The following ASTN2 variants were observed in gnomAD, a reference collection of about 807,000 sequenced individuals.
ASTN2 encodes the protein astrotactin-2.
Under a neutral mutation model 139.8 loss-of-function variants are expected in ASTN2, and 54 were observed. The ratio of observed to expected loss-of-function variants is 0.39; its 90% CI spans 0.31 to 0.48. The LOEUF (loss-of-function observed/expected upper bound fraction) is 0.48. Among genes scored for constraint, ASTN2 ranks in the 20% least tolerant of loss-of-function variants. The pLI is 0.95. For synonymous variants in ASTN2, 756 were observed against 719.5 expected (o/e 1.05, Z -0.81); for missense variants, 1,565 against 1,725.1 (o/e 0.91, Z 1.64).
intron 3 of ASTN2, among the ~76,000 whole-genome samples, chr9:117,149,253 C>T (rs964586788): frequency 6.6e-6 from 1 of 151,970 alleles, no homozygotes; most frequent in Non-Finnish European, 1.5e-5. Flanking sequence ...CTCTTGACCT[C>T]GTGATCCACC....
intron 7 of ASTN2, among the ~76,000 whole-genome samples, chr9:117,004,455 A>T (rs1471402974): frequency 6.6e-6 from 1 of 152,158 alleles, no homozygotes; most frequent in South Asian, 2.1e-4. Context: ...AAATATGCTG[A>T]AACAGGCTCC....
chr9:116,475,006 G>C (rs1848932539), intron 20 of ASTN2, among the ~76,000 whole-genome samples: 2 of 152,162 alleles, frequency 1.3e-5, no homozygotes, highest in Non-Finnish European at 2.9e-5. Flanking sequence ...GCTCTGCCTT[G>C]ACTATGATGC....
chr9:116,619,415 G>A (rs1856010932), intron 18 of ASTN2, among the ~76,000 whole-genome samples: 1 of 151,930 alleles, frequency 6.6e-6, no homozygotes, highest in Non-Finnish European at 1.5e-5. Context: ...TACCCTATAG[G>A]TCTCTTCAGA....
intron 1 of ASTN2, among the ~76,000 whole-genome samples, chr9:117,326,918 G>T (rs149668328): frequency 2.1e-3 from 325 of 152,312 alleles, no homozygotes; most frequent in Admixed American, 3.5e-3. Flanking sequence ...GTGGATATAA[G>T]TTAAATCCTC....
chr9:117,166,264 G>T (rs2132913618), intron 3 of ASTN2, among the ~76,000 whole-genome samples: 1 of 152,112 alleles, frequency 6.6e-6, no homozygotes, highest in African/African-American at 2.4e-5. Context: ...GAGTCTGAAG[G>T]GTCAGGTCAC....
At chr9:116,626,162 T>TG (rs1856449307) in intron 17 of ASTN2, among the ~76,000 whole-genome samples, 1 of 121,868 alleles carries the variant, frequency 8.2e-6, no homozygotes, top group Non-Finnish European at 1.7e-5. Context: ...GTGTTTTTTT[T>TG]TTTTTTTTTT....
chr9:116,580,327 G>C (rs1448746449), intron 19 of ASTN2, among the ~76,000 whole-genome samples: 1 of 152,098 alleles, frequency 6.6e-6, no homozygotes, highest in South Asian at 2.1e-4. Context: ...TCTAATAGAG[G>C]GGCAAGAGGT....
intron 5 of ASTN2, among the ~76,000 whole-genome samples, chr9:117,094,375 G>A (rs1828788726): frequency 6.6e-6 from 1 of 152,122 alleles, no homozygotes; most frequent in African/African-American, 2.4e-5. Context: ...ATTTATAGGG[G>A]ACATGCTCAG....
At chr9:116,467,878 G>T (rs1213272518) in intron 20 of ASTN2, among the ~76,000 whole-genome samples, 2 of 152,202 alleles carry the variant, frequency 1.3e-5, no homozygotes, top group Non-Finnish European at 2.9e-5. Flanking sequence ...TCTTTTCCCA[G>T]AATGAAGTTT....
At chr9:117,167,414 C>T (rs1365487758) in intron 3 of ASTN2, among the ~76,000 whole-genome samples, 1 of 152,054 alleles carries the variant, frequency 6.6e-6, no homozygotes, top group Non-Finnish European at 1.5e-5. Flanking sequence ...GATTTGAATA[C>T]ATTTCCTAAA....
At chr9:116,656,033 A>AT (rs1295495879) in intron 16 of ASTN2, among the ~76,000 whole-genome samples, 1 of 152,056 alleles carries the variant, frequency 6.6e-6, no homozygotes, top group Non-Finnish European at 1.5e-5. Context: ...TGACCTATTA[A>AT]GTTTTCCTAT....
chr9:117,234,378 G>T (rs143541808), intron 2 of ASTN2, among the ~76,000 whole-genome samples: 5 of 152,122 alleles, frequency 3.3e-5, no homozygotes, highest in African/African-American at 1.2e-4. Flanking sequence ...CCTCTCCAGC[G>T]CCAGCTAATC....
intron 11 of ASTN2, among the ~76,000 whole-genome samples, chr9:116,831,469 G>A (rs1441938527): frequency 6.6e-6 from 1 of 152,116 alleles, no homozygotes; most frequent in Non-Finnish European, 1.5e-5. Flanking sequence ...TACCTACTCA[G>A]TGCTAAGCAA....
In ASTN2 at chr9:116,859,349, C is replaced by T. The variant is rs149461475; in HGVS notation, c.2040+4234G>A. ...GGCCATCCTCCAATTGGCCAATTAC[C>T]TATATGAGAAACATATTATCCAAAG... On this transcript the variant is annotated intron_variant, in intron 11 of 22. Coordinates refer to ENST00000313400, the MANE Select transcript of ASTN2 (RefSeq NM_001365068.1). 2.6e-3 allele frequency among the ~76,000 whole-genome samples: 393 copies of T among 152,292 alleles called. 1 individual carries two copies. Among genetic ancestry groups the T allele is most frequent in the African/African-American group, 8.9e-3 (369 of 41,552 alleles).
intron 20 of ASTN2, among the ~76,000 whole-genome samples, chr9:116,480,756 G>T (rs922096102): frequency 1.3e-5 from 2 of 152,216 alleles, no homozygotes; most frequent in African/African-American, 2.4e-5. Context: ...CCCAGGGAAA[G>T]AGAACAGTAG....
chr9:116,780,843 C>T (rs910073038), intron 13 of ASTN2, among the ~76,000 whole-genome samples: 1 of 144,798 alleles, frequency 6.9e-6, no homozygotes, highest in Admixed American at 6.9e-5. Context: ...ATGTCAAATT[C>T]TTTTTTTTTT....
chr9:117,218,450 C>G (rs970310177), intron 2 of ASTN2, among the ~76,000 whole-genome samples: 1 of 152,202 alleles, frequency 6.6e-6, no homozygotes, highest in Non-Finnish European at 1.5e-5. Flanking sequence ...TTCCAGTATT[C>G]TGGGGCTCAT....
At chr9:117,247,555 G>A (rs535807465) in intron 2 of ASTN2, among the ~76,000 whole-genome samples, 9 of 152,208 alleles carry the variant, frequency 5.9e-5, no homozygotes, top group African/African-American at 1.4e-4. Context: ...CCCAAATACA[G>A]TCCTCGAATA....
At chr9:116,780,719 C>G (rs1032258929) in intron 13 of ASTN2, among the ~76,000 whole-genome samples, 2 of 152,108 alleles carry the variant, frequency 1.3e-5, no homozygotes, top group African/African-American at 4.8e-5. Flanking sequence ...TCCATTTCCC[C>G]CTACACAACC....
Sources: allele counts gnomAD v4.1 joint callset (sites outside exome capture counted in the v4.1 genomes callset), GRCh38; gene constraint gnomAD v4.1.1; transcripts MANE v1.5; gene names NCBI Gene and HGNC (gene_info 2026-07-23, HGNC 2026-07-21).